GRK2: variants seen among roughly 807,000 people sequenced by gnomAD.
GRK2 encodes the protein adrenergic beta receptor kinase 1.
GRK2 carries 23 observed loss-of-function variants against 97.8 expected under a neutral mutation model. The observed-to-expected ratio is 0.24, with a 90% confidence interval of 0.17 to 0.33. GRK2 has a LOEUF of 0.33. GRK2 is among the 10% of genes least tolerant of loss of function. The probability of loss-of-function intolerance (pLI) is 1.00; values close to 1 mark genes in which losing one functional copy is unlikely to be tolerated. For synonymous variants in GRK2, 425 were observed against 381.7 expected, an observed-to-expected ratio of 1.11 and a Z score of -1.32; for missense variants, 633 against 956.9, an observed-to-expected ratio of 0.66 and a Z score of 4.47.
In GRK2 at chr11:67,286,178, C is replaced by T. The variant is rs1413088655; in HGVS notation, c.*728C>T. ...GTTGGGCCATACTGGCCTCGCCTGG[C>T]CTGAGGTCTCGCTGATGCTGGGCTG... On this transcript the variant is annotated 3_prime_UTR_variant, in exon 21 of 21. Transcript: ENST00000308595. The T allele has an allele frequency of 3.7e-6, 2 of 537,724 alleles. No homozygotes were observed. The highest frequency in any genetic ancestry group is 7.4e-5 in the Admixed American group (2 of 26,950). 33.3% of individuals were successfully genotyped at this position (537,724 alleles called of 1,614,324 possible).
At position 67,284,095 on chromosome 11, in the gene GRK2, G is replaced by T. The variant is rs1179920068; in HGVS notation, c.1492-116G>T. The T allele has an allele frequency of 4.7e-6, 7 of 1,475,892 alleles. No homozygotes were observed. The Admixed American group carries it at 5.4e-5, about 11-fold the overall frequency. 91.4% of individuals were successfully genotyped at this position (1,475,892 alleles called of 1,614,324 possible). ...TCCTCCTTGGCCAACTTCCCTGGGG[G>T]GTGGCAGTTGCACTGACCATCCCTA... On this transcript the variant is annotated intron_variant, in intron 17 of 20. Coordinates refer to ENST00000308595, the MANE Select transcript of GRK2 (RefSeq NM_001619.5).
intron 1 of GRK2, among the ~76,000 whole-genome samples, chr11:67,274,638 G>T (rs1047640666): frequency 1.3e-5 from 2 of 151,074 alleles, no homozygotes; most frequent in Non-Finnish European, 2.9e-5. Context: ...CACAGCCTGT[G>T]CCCTGAGGGT....
In GRK2 at chr11:67,282,849, G is replaced by A. The variant is rs1293577774; in HGVS notation, c.1227+31G>A. 6.3e-7 allele frequency: 1 copy of A among 1,590,352 alleles called. No individual in the cohort carries two copies. The highest frequency in any genetic ancestry group is 8.5e-7 in the Non-Finnish European group (1 of 1,171,396). On this transcript the variant is annotated intron_variant, in intron 14 of 20. Transcript: ENST00000308595. The surrounding 1 kb of genome is among the most constrained non-coding windows in gnomAD (Gnocchi z 6.9). Reference sequence around the variant, plus strand: ...TGCAGGTCTCAGTGCAGGGCCGCAGGGGGCTGGGGGGAGCTCCTGTGGGTG... The same window carrying A: ...TGCAGGTCTCAGTGCAGGGCCGCAGAGGGCTGGGGGGAGCTCCTGTGGGTG...
At chr11:67,280,480 C>T (rs774467031) in intron 6 of GRK2, 30 of 576,086 alleles carry the variant, frequency 5.2e-5, no homozygotes, top group African/African-American at 1.5e-4. Flanking sequence ...CCTTTCTGTG[C>T]GGATCTGATT....
chr11:67,277,181 C>G (rs916088127), intron 1 of GRK2, 91 bp from the exon 2 acceptor site: 3 of 1,255,776 alleles, frequency 2.4e-6, no homozygotes, highest in Admixed American at 3.5e-5. Context: ...GGAGTGGCGA[C>G]ACCACCACAG....
chr11:67,286,421 CT>C lies in GRK2; in HGVS notation c.*972del. Reference sequence around the variant, plus strand: ...CGCTGCCTGTGTGGTGTCGCGCCTTCTCCCCCCCGGGGCTGGGTTGGCGCAC... The same window carrying C: ...CGCTGCCTGTGTGGTGTCGCGCCTTCCCCCCCCGGGGCTGGGTTGGCGCAC... On this transcript the variant is annotated 3_prime_UTR_variant, in exon 21 of 21. Transcript: ENST00000308595. The C allele has an allele frequency of 1.4e-6, 1 of 699,970 alleles. No homozygotes were observed. The highest frequency in any genetic ancestry group is 1.5e-5 in the South Asian group (1 of 67,350). The allele number at this position is 699,970 out of a possible 1,614,324, so 43.4% of individuals were successfully genotyped here.
intron 1 of GRK2, 115 bp from the exon 2 acceptor site, chr11:67,277,157 C>G: frequency 2.1e-6 from 2 of 954,342 alleles, no homozygotes; most frequent in Non-Finnish European, 1.6e-6. Flanking sequence ...GACGGGCTGG[C>G]CTCCTTCCTG....
chr11:67,282,459 G>C lies in GRK2; in HGVS notation c.1077G>C (p.Pro359=). ...ASVGTHGYMA[P]EVLQKGVAYD... ...GGGGCACCCACGGGTACATGGCTCC[G>C]GAGGTCCTGCAGAAGGGCGTGGCCT... is the stretch of plus-strand genomic sequence containing the variant. Residue 359 remains proline, a synonymous_variant, in exon 13 of 21, where the codon CCG becomes CCC. Coordinates refer to ENST00000308595, the MANE Select transcript of GRK2 (RefSeq NM_001619.5). The surrounding 1 kb of genome is among the most constrained non-coding windows in gnomAD (Gnocchi z 6.9). 6.2e-7 allele frequency: 1 copy of C among 1,605,794 alleles called. No individual in the cohort carries two copies. Among genetic ancestry groups the C allele is most frequent in the Non-Finnish European group, 8.5e-7 (1 of 1,175,828 alleles).
At chr11:67,283,014 G>A in intron 14 of GRK2, 114 bp from the exon 15 acceptor site, 1 of 1,224,540 alleles carries the variant, frequency 8.2e-7, no homozygotes, top group South Asian at 1.2e-5. Flanking sequence ...GGCGAGCTAG[G>A]ATGCTGTGCC....
rs1185263313 is a variant in GRK2, at chr11:67,277,641, GCGCGGC to G, written c.190+297_190+302del. Among the ~76,000 whole-genome samples the G allele has an allele frequency of 5.9e-5, 9 of 152,348 alleles. No individual in the cohort carries two copies. In the South Asian group the frequency reaches 1.7e-3, roughly 28 times the overall value. On this transcript the variant is annotated intron_variant, in intron 2 of 20. Coordinates refer to ENST00000308595, the MANE Select transcript of GRK2 (RefSeq NM_001619.5). ...TTTTGAGAGTTGCAGCTTCCCCTTG[GCGCGGC>G]CGCAGCTGCTCTGGGCCGTTGGTAG...
chr11:67,279,235 C>G lies in GRK2; in HGVS notation c.226C>G (p.Leu76Val), dbSNP rs556538832. ...LLFRDFCLNH[L>V]EEARPLVEFY... The stretch of plus-strand genomic sequence containing the variant: ...CTTCCGAGACTTCTGCCTGAACCAC[C>G]TGGAGGAGGCCAGGCCCTTGGTGGA... Residue 76 changes from leucine to valine, a missense_variant, in exon 3 of 21, where the codon CTG becomes GTG. Coordinates refer to ENST00000308595, the MANE Select transcript of GRK2 (RefSeq NM_001619.5). The G allele has an allele frequency of 3.7e-6, 6 of 1,613,552 alleles. No homozygotes were observed. The highest frequency in any genetic ancestry group is 2.2e-5 in the East Asian group (1 of 44,898).
chr11:67,279,159 G>A, intron 2 of GRK2, 41 bp from the exon 3 acceptor site: 1 of 1,533,136 alleles, frequency 6.5e-7, no homozygotes. Context: ...GAAGGCCTCT[G>A]AGAGAGGCGT....
rs374189744 is a variant in GRK2, at chr11:67,281,583, G to C, written c.747+25G>C. 3.1e-5 allele frequency: 50 copies of C among 1,611,704 alleles called. 1 individual carries two copies. The highest frequency in any genetic ancestry group is 3.1e-5 in the Non-Finnish European group (36 of 1,178,670). On this transcript the variant is annotated intron_variant, in intron 9 of 20. Transcript: ENST00000308595. The surrounding 1 kb of genome is among the most constrained non-coding windows in gnomAD (Gnocchi z 5.7). ...GGTGAGCTGGGTGGGCCGGGCTGCCGCTGAGGCTCTGGAACCCCGGGCGCC... is the reference window on the plus strand; with the variant it reads ...GGTGAGCTGGGTGGGCCGGGCTGCCCCTGAGGCTCTGGAACCCCGGGCGCC...
chr11:67,266,852 GGCGCC>G, intron 1 of GRK2, 40 bp downstream of exon 1: 1 of 1,075,468 alleles, frequency 9.3e-7, no homozygotes, highest in Non-Finnish European at 1.2e-6. Context: ...CGACCCCGCG[GGCGCC>G]CCGGCCGCGG....
rs773098927 is a variant in GRK2 at position 67,282,377 on chromosome 11, C to A, written c.1052+12C>A. ...CCCCATGCCAGCGTGTGAGTGCCCC[C>A]CACCCTCTCCCTCCCCACCCCTTGC... On this transcript the variant is annotated intron_variant, in intron 12 of 20. Coordinates refer to ENST00000308595, the MANE Select transcript of GRK2 (RefSeq NM_001619.5). The surrounding 1 kb of genome is among the most constrained non-coding windows in gnomAD (Gnocchi z 6.9). 1.2e-6 allele frequency: 2 copies of A among 1,612,706 alleles called. No homozygotes were observed. Among genetic ancestry groups the A allele is most frequent in the South Asian group, 2.2e-5 (2 of 91,066 alleles).
chr11:67,280,831 C>G (rs772927752), intron 7 of GRK2, 48 bp downstream of exon 7: 39 of 1,603,778 alleles, frequency 2.4e-5, no homozygotes, highest in Non-Finnish European at 3.2e-5. Flanking sequence ...CCTGCTGCTC[C>G]TCTCCCGGGA....
At chr11:67,272,843 G>A (rs765649588) in intron 1 of GRK2, among the ~76,000 whole-genome samples, 1 of 152,224 alleles carries the variant, frequency 6.6e-6, no homozygotes, top group African/African-American at 2.4e-5. Flanking sequence ...CACCCTGCTC[G>A]GCTCAGCCCT....
intron 1 of GRK2, among the ~76,000 whole-genome samples, chr11:67,267,955 G>T (rs1859832219): frequency 6.6e-6 from 1 of 152,242 alleles, no homozygotes; most frequent in African/African-American, 2.4e-5. Context: ...CCTGGCCTGT[G>T]CCAGGGAGCA....
At chr11:67,284,604 G>T (rs1860229729) in intron 18 of GRK2, 1 of 704,056 alleles carries the variant, frequency 1.4e-6, no homozygotes, top group East Asian at 2.8e-5. Flanking sequence ...GGCCAACATG[G>T]TGAAACCCTG....
Sources: gnomAD v4.1 joint callset for allele counts (sites outside exome capture counted in the v4.1 genomes callset) on GRCh38, gnomAD v4.1.1 for gene constraint, Gnocchi (gnomAD v3.1) non-coding constraint, MANE v1.5 for transcripts, NCBI Gene and HGNC (gene_info 2026-07-23, HGNC 2026-07-21) for gene names.